Variants in HRH1 observed in about 807,000 individuals in gnomAD.
HRH1 encodes histamine receptor H1, also known as histamine H1 receptor.
In HRH1, 6 loss-of-function variants were observed where a neutral mutation model predicts 10.3. The ratio of observed to expected loss-of-function variants is 0.58; its 90% CI spans 0.32 to 1.15. The LOEUF is 1.15. Ranked by LOEUF, HRH1 falls within the 50% of genes most tolerant of loss-of-function variation. HRH1 has a pLI of 0.05. For synonymous variants in HRH1, 242 were observed against 236.7 expected, an observed-to-expected ratio of 1.02 and a Z score of -0.21; for missense variants, 514 against 615.3, an observed-to-expected ratio of 0.84 and a Z score of 1.74.
At chr3:11,228,913 A>C in intron 1 of HRH1, among the ~76,000 whole-genome samples, 1 of 35,790 alleles carries the variant, frequency 2.8e-5, no homozygotes, top group East Asian at 1.5e-3. Flanking sequence ...GAGTATGTCA[A>C]AAAAAAAAAA....
At chr3:11,258,180 C>T (rs1216275117) in intron 1 of HRH1, among the ~76,000 whole-genome samples, 1 of 150,958 alleles carries the variant, frequency 6.6e-6, no homozygotes, top group African/African-American at 2.4e-5. Flanking sequence ...TTATAACCTC[C>T]TCCATATCAT....
In HRH1 at chr3:11,143,943, A is replaced by T. The variant is rs745845380; in HGVS notation, c.-36+6544A>T. Among the ~76,000 whole-genome samples the T allele has an allele frequency of 3.7e-4, 56 of 152,018 alleles. 1 individual carries two copies. The highest frequency in any genetic ancestry group is 7.2e-4 in the Admixed American group (11 of 15,268). The stretch of plus-strand genomic sequence containing the variant: ...GATATACAAGTGGCCAAAAAAATAT[A>T]AAAAAATGCTTAACATCACTAATCA... On this transcript the variant is annotated intron_variant, in intron 1 of 1. Coordinates refer to the HRH1 transcript ENST00000438284.
At chr3:11,245,258 C>T (rs1373815774) in intron 1 of HRH1, among the ~76,000 whole-genome samples, 1 of 151,986 alleles carries the variant, frequency 6.6e-6, no homozygotes, top group East Asian at 1.9e-4. Context: ...GAGGCCGAGG[C>T]AGGGGAATCA....
chr3:11,179,604 A>C (rs1326380584), intron 1 of HRH1, among the ~76,000 whole-genome samples: 1 of 150,196 alleles, frequency 6.7e-6, no homozygotes, highest in Non-Finnish European at 1.5e-5. Context: ...TGGGTGACAG[A>C]GCAAGACTCT....
intron 1 of HRH1, among the ~76,000 whole-genome samples, chr3:11,235,824 A>G (rs1428919553): frequency 6.6e-6 from 1 of 152,214 alleles, no homozygotes; most frequent in Non-Finnish European, 1.5e-5. Flanking sequence ...GGTGTTGTCT[A>G]AAAGTTTTCT....
chr3:11,199,054 G>C (rs1490119698), intron 1 of HRH1, among the ~76,000 whole-genome samples: 1 of 151,820 alleles, frequency 6.6e-6, no homozygotes, highest in Non-Finnish European at 1.5e-5. Context: ...CTCCCAAGTT[G>C]CTAGAATTAC....
intron 1 of HRH1, among the ~76,000 whole-genome samples, chr3:11,237,304 T>G (rs1939207137): frequency 6.6e-6 from 1 of 152,248 alleles, no homozygotes; most frequent in African/African-American, 2.4e-5. Flanking sequence ...TTCAATTCCC[T>G]GGAATCTTTA....
chr3:11,163,644 G>A (rs1478524355), intron 1 of HRH1, among the ~76,000 whole-genome samples: 1 of 152,148 alleles, frequency 6.6e-6, no homozygotes, highest in Non-Finnish European at 1.5e-5. Flanking sequence ...TATGTCAAAT[G>A]TGCTAGTCCA....
At position 11,215,263 on chromosome 3, in the gene HRH1, C is replaced by T. The variant is rs150022975; in HGVS notation, c.-35-43740C>T. On this transcript the variant is annotated intron_variant, in intron 1 of 1. Coordinates refer to ENST00000431010, the MANE Select transcript of HRH1 (RefSeq NM_001098212.2). ...GAGACTTTTTGCACTCATATTTCAC[C>T]TTATTGTGTCATGTGTAATTCATTC... Among the ~76,000 whole-genome samples, 544 of 152,294 alleles carry T rather than the reference C, an allele frequency of 3.6e-3. 4 individuals are homozygous for T. The highest frequency in any genetic ancestry group is 4.4e-3 in the Non-Finnish European group (299 of 68,016).
chr3:11,203,892 A>G (rs1938021270), intron 1 of HRH1, among the ~76,000 whole-genome samples: 1 of 152,166 alleles, frequency 6.6e-6, no homozygotes, highest in African/African-American at 2.4e-5. Flanking sequence ...ACTTGCTGGA[A>G]TTTTGATTGG....
chr3:11,194,554 A>G (rs927168713), intron 1 of HRH1, among the ~76,000 whole-genome samples: 1 of 152,224 alleles, frequency 6.6e-6, no homozygotes, highest in South Asian at 2.1e-4. Flanking sequence ...ACAGCAGGGC[A>G]TGTTGGCTCA....
intron 1 of HRH1, among the ~76,000 whole-genome samples, chr3:11,249,913 A>G (rs1939592236): frequency 6.6e-6 from 1 of 152,196 alleles, no homozygotes; most frequent in South Asian, 2.1e-4. Flanking sequence ...TCCACAGGGT[A>G]TAACAAGACA....
chr3:11,184,312 GA>G (rs1937411931), intron 1 of HRH1, among the ~76,000 whole-genome samples: 1 of 152,160 alleles, frequency 6.6e-6, no homozygotes, highest in Non-Finnish European at 1.5e-5. Flanking sequence ...TTTTACAGAT[GA>G]AGAAATAGAG....
rs745920927 is a variant in HRH1 at position 11,258,991 on chromosome 3, C to CT, written c.-35-8dup. On this transcript the variant is annotated splice_polypyrimidine_tract_variant and intron_variant, in intron 1 of 1. Coordinates refer to ENST00000431010, the MANE Select transcript of HRH1 (RefSeq NM_001098212.2). ...AAGTCTCTGACCTTACTTTTTCTCT[C>CT]TTTTCTCCCAGGGAGTGAGCCATAA... is the stretch of plus-strand genomic sequence containing the variant. The CT allele has an allele frequency of 1.3e-6, 2 of 1,531,484 alleles. No individual in the cohort carries two copies. Among genetic ancestry groups the CT allele is most frequent in the Non-Finnish European group, 1.8e-6 (2 of 1,141,162 alleles). 94.9% of individuals were successfully genotyped at this position (1,531,484 alleles called of 1,614,324 possible).
In HRH1 at chr3:11,257,246, C is replaced by CCA. The variant is rs1285876186; in HGVS notation, c.-35-1757_-35-1756insCA. ...CCAGCCTGGGCGACAGAGTGAGACT[C>CCA]TGTCCTAAAAAAAAAAAAAAAAAAA... On this transcript the variant is annotated intron_variant, in intron 1 of 1. Coordinates refer to ENST00000431010, the MANE Select transcript of HRH1 (RefSeq NM_001098212.2). Among the ~76,000 whole-genome samples the CCA allele has an allele frequency of 1.6e-4, 21 of 132,814 alleles. No individual in the cohort carries two copies. The East Asian group carries it at 3.3e-3, about 21-fold the overall frequency. 87.1% of individuals were successfully genotyped at this position (132,814 alleles called of 152,430 possible).
At chr3:11,249,250 A>G (rs1939571900) in intron 1 of HRH1, among the ~76,000 whole-genome samples, 1 of 151,960 alleles carries the variant, frequency 6.6e-6, no homozygotes, top group Admixed American at 6.5e-5. Context: ...AAAAATAAAA[A>G]AAATTAGCTG....
At chr3:11,205,917 C>G (rs1938107688) in intron 1 of HRH1, among the ~76,000 whole-genome samples, 1 of 152,108 alleles carries the variant, frequency 6.6e-6, no homozygotes, top group East Asian at 1.9e-4. Flanking sequence ...GCCGCGGCCT[C>G]CCAAAGTGCT....
chr3:11,240,489 G>C (rs1575036421), intron 1 of HRH1, among the ~76,000 whole-genome samples: 1 of 151,920 alleles, frequency 6.6e-6, no homozygotes, highest in South Asian at 2.1e-4. Context: ...ACTCCCTCTT[G>C]CTCCACACAC....
intron 1 of HRH1, among the ~76,000 whole-genome samples, chr3:11,255,279 C>T (rs185256714): frequency 4.6e-5 from 7 of 152,128 alleles, no homozygotes; most frequent in East Asian, 1.9e-4. Context: ...TAAAAAATAA[C>T]GTAAAATAAA....
Sources: allele counts gnomAD v4.1 joint callset (sites outside exome capture counted in the v4.1 genomes callset), GRCh38; gene constraint gnomAD v4.1.1; transcripts MANE v1.5; gene names NCBI Gene and HGNC (gene_info 2026-07-23, HGNC 2026-07-21).